ZNF471: variants seen among roughly 807,000 people sequenced by gnomAD.
ZNF471 encodes zinc finger protein 471.
A neutral mutation model predicts 13.7 loss-of-function variants in ZNF471; 7 were observed. The ratio of observed to expected loss-of-function variants is 0.51; its 90% confidence interval spans 0.29 to 0.96. The LOEUF is 0.96. ZNF471 is among the 40% of genes least tolerant of loss of function. The pLI, the probability that ZNF471 is intolerant of heterozygous loss-of-function variation, is 0.08. For synonymous variants in ZNF471, 218 were observed against 235.6 expected (o/e 0.93, Z 0.68); for missense variants, 663 against 743.3 (o/e 0.89, Z 1.26).
At position 56,510,326 on chromosome 19, in the gene ZNF471, G is replaced by T. The variant is rs58408676; in HGVS notation, c.-55-1191G>T. On this transcript the variant is annotated intron_variant, in intron 1 of 4. Transcript: ENST00000308031. The surrounding 1 kb of genome is among the most constrained non-coding windows in gnomAD (Gnocchi z 4.3). ...ATCATGTTTATATGTGTGAAAGAGG[G>T]AGAGAAAGACTAGTGATGTGGTTGT... 0.035 allele frequency: 34,593 copies of T among 985,332 alleles called. 989 individuals are homozygous for T. Among genetic ancestry groups the T allele is most frequent in the African/African-American group, 0.14 (7,793 of 57,276 alleles). The allele number at this position is 985,332 out of a possible 1,614,324, so 61.0% of individuals were successfully genotyped here. A position where few individuals can be genotyped will look rare whatever the true frequency, so the allele number is the denominator to read the frequency against.
In ZNF471 at chr19:56,528,421, T is replaced by G. The variant is rs952635438; in HGVS notation, c.*2473T>G. ...ACCAAAACAGTATCTTTTTTTAAGC[T>G]AAAAAAAAAGTTTTAAATGGTGTCT... is the stretch of plus-strand genomic sequence containing the variant. On this transcript the variant is annotated 3_prime_UTR_variant, in exon 5 of 5. Coordinates refer to ENST00000308031, the MANE Select transcript of ZNF471 (RefSeq NM_020813.4). 6.6e-6 allele frequency: 1 copy of G among 151,428 alleles called. No homozygotes were observed. The highest frequency in any genetic ancestry group is 1.5e-5 in the Non-Finnish European group (1 of 67,886). The allele number at this position is 151,428 out of a possible 1,614,324, so 9.4% of individuals were successfully genotyped here. A position where few individuals can be genotyped will look rare whatever the true frequency, so the allele number is the denominator to read the frequency against.
chr19:56,508,627 T>C lies in ZNF471; in HGVS notation c.-56+707T>C, dbSNP rs1258029229. On this transcript the variant is annotated intron_variant, in intron 1 of 4. Transcript: ENST00000308031. The surrounding 1 kb of genome is among the most constrained non-coding windows in gnomAD (Gnocchi z 4.7). ...AATCACCATGTATGCGAGACTAGAC[T>C]GTGCAAGAACAGAGTGTGAGACTGT... Among the ~76,000 whole-genome samples the C allele has an allele frequency of 6.6e-6, 1 of 150,988 alleles. No individual in the cohort carries two copies. Among genetic ancestry groups the C allele is most frequent in the Admixed American group, 6.6e-5 (1 of 15,190 alleles).
Position 56,529,580 on chromosome 19 carries a change from A to G in ZNF471, c.*3632A>G, listed in dbSNP as rs1042347163. On this transcript the variant is annotated 3_prime_UTR_variant, in exon 5 of 5. Transcript: ENST00000308031. ...ATCTTAAACATACATTAGAAAGGAT[A>G]TAGCCCTTGAAAAAGGGCTGTTGGA... The G allele has an allele frequency of 6.6e-6, 1 of 152,250 alleles. No individual in the cohort carries two copies. The highest frequency in any genetic ancestry group is 6.5e-5 in the Admixed American group (1 of 15,286). The allele number at this position is 152,250 out of a possible 1,614,324, so 9.4% of individuals were successfully genotyped here.
At chr19:56,511,905 A>G (rs1450696004) in intron 2 of ZNF471, among the ~76,000 whole-genome samples, 1 of 152,232 alleles carries the variant, frequency 6.6e-6, no homozygotes, top group Non-Finnish European at 1.5e-5. Context: ...ATATGTTAGT[A>G]CTAGTGAGTT....
In ZNF471 at chr19:56,524,959, G is replaced by A. The variant is rs1010898971; in HGVS notation, c.892G>A (p.Ala298Thr). Residue 298 changes from alanine (A) to threonine (T), a missense_variant, in exon 5 of 5, where the codon GCC becomes ACC. Physicochemically the swap from Ala to Thr is moderately conservative, Grantham distance 58. Coordinates refer to ENST00000308031, the MANE Select transcript of ZNF471 (RefSeq NM_020813.4). The surrounding 1 kb of genome is among the most constrained non-coding windows in gnomAD (Gnocchi z 4.8). ...KPYKCKECRK[A>T]FRQPAHLAQH... ...ATATAAATGTAAGGAATGCAGAAAA[G>A]CCTTCAGACAGCCTGCACACCTTGC... 2.4e-5 allele frequency: 38 copies of A among 1,614,006 alleles called. No homozygotes were observed. Among genetic ancestry groups the A allele is most frequent in the Non-Finnish European group, 3.1e-5 (37 of 1,180,026 alleles).
At chr19:56,518,642 G>T in intron 4 of ZNF471, 65 bp downstream of exon 4, 1 of 1,362,372 alleles carries the variant, frequency 7.3e-7, no homozygotes. Context: ...TTTTAGAGGT[G>T]ATACCTTCTC....
Position 56,525,636 on chromosome 19 carries a change from T to C in ZNF471, c.1569T>C (p.Ala523=). ...ATGAATGTATTGAATGTGGAAATGCTTTCAAACAGAGATCACACCTTGCCC... is the reference window on the plus strand; with the variant it reads ...ATGAATGTATTGAATGTGGAAATGCCTTCAAACAGAGATCACACCTTGCCC... ...KPYECIECGN[A]FKQRSHLAQH... The change falls in exon 5 of 5, where the codon GCT becomes GCC. Residue 523 remains alanine (A), a synonymous_variant. Transcript: ENST00000308031. The C allele has an allele frequency of 6.2e-7, 1 of 1,613,948 alleles. No homozygotes were observed. Among genetic ancestry groups the C allele is most frequent in the Non-Finnish European group, 8.5e-7 (1 of 1,179,990 alleles).
intron 4 of ZNF471, among the ~76,000 whole-genome samples, chr19:56,521,922 G>C (rs560668710): frequency 6.6e-6 from 1 of 152,310 alleles, no homozygotes; most frequent in African/African-American, 2.4e-5. Context: ...ACTCCAGCCT[G>C]ATGACAGAGG....
intron 1 of ZNF471, 122 bp from the exon 2 acceptor site, chr19:56,511,395 G>A: frequency 2.9e-6 from 2 of 680,556 alleles, no homozygotes; most frequent in Non-Finnish European, 4.8e-6. Context: ...AGTGGCCATA[G>A]GTTGCTCATA....
At chr19:56,511,983 A>G (rs1203105949) in intron 2 of ZNF471, among the ~76,000 whole-genome samples, 1 of 152,142 alleles carries the variant, frequency 6.6e-6, no homozygotes, top group Non-Finnish European at 1.5e-5. Flanking sequence ...TTATTCCTCT[A>G]CCTGAAGTTT....
Position 56,528,474 on chromosome 19 carries a change from C to G in ZNF471, c.*2526C>G, listed in dbSNP as rs1383738459. 1 of 152,138 alleles carries G rather than the reference C, an allele frequency of 6.6e-6. No homozygotes were observed. Among genetic ancestry groups the G allele is most frequent in the Non-Finnish European group, 1.5e-5 (1 of 68,040 alleles). 9.4% of individuals were successfully genotyped at this position (152,138 alleles called of 1,614,324 possible). The stretch of plus-strand genomic sequence containing the variant: ...CTATGTTGCCCAGGGTGGTCTCAAA[C>G]TCCTGTGCTCAAGTGACCCTCCCAC... On this transcript the variant is annotated 3_prime_UTR_variant, in exon 5 of 5. Coordinates refer to ENST00000308031, the MANE Select transcript of ZNF471 (RefSeq NM_020813.4).
chr19:56,516,350 C>G lies in ZNF471; in HGVS notation c.109C>G (p.Arg37Gly), dbSNP rs1376054098. 6 of 1,613,712 alleles carry G rather than the reference C, an allele frequency of 3.7e-6. No homozygotes were observed. Among genetic ancestry groups the G allele is most frequent in the Non-Finnish European group, 3.4e-6 (4 of 1,179,722 alleles). Residue 37 changes from arginine (R) to glycine (G), a missense_variant, in exon 3 of 5, where the codon CGT becomes GGT. By Grantham distance (125) the Arg-to-Gly change is moderately radical. Transcript: ENST00000308031. This position sits in a 1 kb window ranked among gnomAD's most constrained non-coding sequence, Gnocchi z 4.4. ...GCAATGGATGAACCCTGCTCAGAAG[C>G]GTTTATACAGGAGTATGATGTTGGA... ...EWQWMNPAQK[R>G]LYRSMMLENY...
At position 56,511,501 on chromosome 19, in the gene ZNF471, C is replaced by T; in HGVS notation, c.-55-16C>T. 6.2e-7 allele frequency: 1 copy of T among 1,600,258 alleles called. No individual in the cohort carries two copies. Reference sequence around the variant, plus strand: ...ATCTCTGGCCTCATCTCTCTCTAACCTTTCCCTTCCTTCAGCCTTGCCCTC... The same window carrying T: ...ATCTCTGGCCTCATCTCTCTCTAACTTTTCCCTTCCTTCAGCCTTGCCCTC... On this transcript the variant is annotated splice_polypyrimidine_tract_variant and intron_variant, in intron 1 of 4. Coordinates refer to ENST00000308031, the MANE Select transcript of ZNF471 (RefSeq NM_020813.4).
At position 56,507,921 on chromosome 19, in the gene ZNF471, G is replaced by C. The variant is rs926499066; in HGVS notation, c.-56+1G>C. The C allele has an allele frequency of 3.0e-6, 3 of 985,564 alleles. No individual in the cohort carries two copies. The highest frequency in any genetic ancestry group is 2.4e-6 in the Non-Finnish European group (2 of 830,078). 61.1% of individuals were successfully genotyped at this position (985,564 alleles called of 1,614,324 possible). A position where few individuals can be genotyped will look rare whatever the true frequency, so the allele number is the denominator to read the frequency against. Reference sequence around the variant, plus strand: ...GTCTGGGTGCCAGACGAGGCCGGGGGTTTGTTTTGGGTGGTTTGGGAGTCC... The same window carrying C: ...GTCTGGGTGCCAGACGAGGCCGGGGCTTTGTTTTGGGTGGTTTGGGAGTCC... On this transcript the variant is annotated splice_donor_variant, in intron 1 of 4. Coordinates refer to ENST00000308031, the MANE Select transcript of ZNF471 (RefSeq NM_020813.4). LOFTEE classifies it low-confidence loss of function (5UTR_SPLICE).
chr19:56,521,811 T>G (rs11667860), intron 4 of ZNF471, among the ~76,000 whole-genome samples: 5,991 of 151,896 alleles, frequency 0.039, 153 homozygotes, highest in East Asian at 0.11. Flanking sequence ...CTGGGCATGG[T>G]GGCATGCACT....
In ZNF471 at chr19:56,524,571, C is replaced by A; in HGVS notation, c.504C>A (p.Ile168=). The A allele has an allele frequency of 6.3e-7, 1 of 1,596,428 alleles. No homozygotes were observed. The highest frequency in any genetic ancestry group is 8.5e-7 in the Non-Finnish European group (1 of 1,175,338). ...EFKYTKFGKC[I]HLENIEESIY... is the part of the protein sequence containing the mutation. ...AATATACTAAATTTGGGAAATGTAT[C>A]CATCTGGAAAACATAGAAGAGAGTA... The change falls in exon 5 of 5, where the codon ATC becomes ATA. Residue 168 remains isoleucine (I), a synonymous_variant. Coordinates refer to ENST00000308031, the MANE Select transcript of ZNF471 (RefSeq NM_020813.4). This position sits in a 1 kb window ranked among gnomAD's most constrained non-coding sequence, Gnocchi z 4.8.
At position 56,516,845 on chromosome 19, in the gene ZNF471, A is replaced by G. The variant is rs570593979; in HGVS notation, c.160+444A>G. Among the ~76,000 whole-genome samples the G allele has an allele frequency of 6.6e-6, 1 of 152,358 alleles. No individual in the cohort carries two copies. Among genetic ancestry groups the G allele is most frequent in the African/African-American group, 2.4e-5 (1 of 41,590 alleles). ...ATCACTTACTGTTAGGGAAATTCCT[A>G]TGGACCTTTCTTCTAAGCACTGGGG... On this transcript the variant is annotated intron_variant, in intron 3 of 4. Coordinates refer to ENST00000308031, the MANE Select transcript of ZNF471 (RefSeq NM_020813.4). This position sits in a 1 kb window ranked among gnomAD's most constrained non-coding sequence, Gnocchi z 4.4.
chr19:56,525,865 C>T lies in ZNF471; in HGVS notation c.1798C>T (p.Gln600Ter), dbSNP rs1263365175. ...QRLHTGQRPYQCFECGKAFRR... is the reference protein window; with the variant it reads ...QRLHTGQRPY Reference sequence around the variant, plus strand: ...ACTCCACACTGGCCAAAGGCCCTATCAGTGTTTTGAATGTGGGAAGGCGTT... The same window carrying T: ...ACTCCACACTGGCCAAAGGCCCTATTAGTGTTTTGAATGTGGGAAGGCGTT... The change falls in exon 5 of 5, where the codon CAG (glutamine) becomes TAG (stop). Residue 600 changes from glutamine (Q) to a stop codon, truncating the protein, a stop_gained. Coordinates refer to ENST00000308031, the MANE Select transcript of ZNF471 (RefSeq NM_020813.4). LOFTEE classifies it low-confidence loss of function (END_TRUNC). 1.2e-6 allele frequency: 2 copies of T among 1,607,782 alleles called. No individual in the cohort carries two copies.
chr19:56,513,311 CAT>C (rs1159967795), intron 2 of ZNF471, among the ~76,000 whole-genome samples: 1 of 152,234 alleles, frequency 6.6e-6, no homozygotes. Flanking sequence ...TGCACACACA[CAT>C]GCTTATTTGA....
Sources: gnomAD v4.1 joint callset for allele counts (sites outside exome capture counted in the v4.1 genomes callset) on GRCh38, gnomAD v4.1.1 for gene constraint, Gnocchi (gnomAD v3.1) non-coding constraint, MANE v1.5 for transcripts, NCBI Gene and HGNC (gene_info 2026-07-23, HGNC 2026-07-21) for gene names.